Variants in ANTXR2 observed in about 807,000 individuals in gnomAD.
ANTXR2 encodes anthrax toxin receptor 2.
Under a neutral mutation model 73.7 loss-of-function variants are expected in ANTXR2, and 44 were observed. That is an observed-to-expected ratio of 0.60 (90% CI 0.47 to 0.77). The LOEUF is 0.77. Ranked by LOEUF, ANTXR2 falls within the 30% of genes least tolerant of loss-of-function variation. ANTXR2 has a pLI of 0.00. For synonymous variants in ANTXR2, 217 were observed against 205.9 expected (o/e 1.05, Z -0.46); for missense variants, 604 against 592.5 (o/e 1.02, Z -0.20).
chr4:79,963,362 T>G (rs538464457), intron 16 of ANTXR2, among the ~76,000 whole-genome samples: 20 of 152,264 alleles, frequency 1.3e-4, no homozygotes, highest in South Asian at 8.3e-4. Flanking sequence ...TTCTCTGATA[T>G]TTTTGTGGGT....
intron 10 of ANTXR2, among the ~76,000 whole-genome samples, chr4:80,025,054 C>T (rs2110075495): frequency 6.6e-6 from 1 of 152,144 alleles, no homozygotes; most frequent in Admixed American, 6.5e-5. Context: ...TATGTTTTTT[C>T]AAAGTAGAAG....
chr4:79,950,075 T>C (rs1248458108), intron 16 of ANTXR2, among the ~76,000 whole-genome samples: 1 of 152,002 alleles, frequency 6.6e-6, no homozygotes, highest in Non-Finnish European at 1.5e-5. Flanking sequence ...AATTTCTGAC[T>C]CAATATTTAT....
At chr4:79,943,644 A>G (rs1369883771) in intron 16 of ANTXR2, among the ~76,000 whole-genome samples, 120 of 127,184 alleles carry the variant, frequency 9.4e-4, no homozygotes, top group Non-Finnish European at 1.4e-3. Flanking sequence ...TAGATGACAC[A>G]TTAGTGGGTG....
chr4:80,005,187 A>G (rs1481181874), intron 12 of ANTXR2, among the ~76,000 whole-genome samples: 3 of 152,138 alleles, frequency 2.0e-5, no homozygotes, highest in African/African-American at 7.2e-5. Flanking sequence ...TGTATTGATA[A>G]GAGCTCCTGA....
intron 5 of ANTXR2, 57 bp downstream of exon 5, chr4:80,055,303 C>T (rs925316988): frequency 3.5e-4 from 553 of 1,561,514 alleles, no homozygotes; most frequent in Non-Finnish European, 3.9e-4. Context: ...CTATACATTC[C>T]GAGACACACA....
rs1179881156 is a variant in ANTXR2, at chr4:79,953,685, CTAAT to C, written c.1428+23932_1428+23935del. On this transcript the variant is annotated intron_variant, in intron 16 of 16. Transcript: ENST00000403729. Reference sequence around the variant, plus strand: ...TAACATGTTGATTTATTTTCTACCACTAATTATATTTCTTTTTTTTAAGTAAAGT... The same window carrying C: ...TAACATGTTGATTTATTTTCTACCACTATATTTCTTTTTTTTAAGTAAAGT... Among the ~76,000 whole-genome samples, 6 of 151,954 alleles carry C rather than the reference CTAAT, an allele frequency of 3.9e-5. No homozygotes were observed. In the East Asian group the frequency reaches 1.2e-3, roughly 29 times the overall value.
intron 12 of ANTXR2, among the ~76,000 whole-genome samples, chr4:80,005,112 A>G (rs1731242413): frequency 6.6e-6 from 1 of 152,132 alleles, no homozygotes; most frequent in Non-Finnish European, 1.5e-5. Context: ...ACATGAAATG[A>G]CTGAATGAAG....
Position 79,999,377 on chromosome 4 carries a change from C to T in ANTXR2, c.1041+9144G>A, listed in dbSNP as rs144008527. Among the ~76,000 whole-genome samples, 273 of 152,048 alleles carry T rather than the reference C, an allele frequency of 1.8e-3. 1 individual carries two copies. Among genetic ancestry groups the T allele is most frequent in the African/African-American group, 6.4e-3 (264 of 41,492 alleles). The stretch of plus-strand genomic sequence containing the variant: ...CTCTTTCCTTCTTCATGAAGAAGGT[C>T]TTTGCTTCCTCTTCACCTTCTGCCA... On this transcript the variant is annotated intron_variant, in intron 12 of 16. Coordinates refer to ENST00000403729, the MANE Select transcript of ANTXR2 (RefSeq NM_058172.6).
chr4:79,975,819 T>C (rs893077130), intron 16 of ANTXR2, among the ~76,000 whole-genome samples: 1 of 152,148 alleles, frequency 6.6e-6, no homozygotes, highest in East Asian at 1.9e-4. Context: ...GAGACTGCTT[T>C]ATAAACCAAC....
chr4:79,993,750 A>ACACGCGCGCG, intron 12 of ANTXR2, among the ~76,000 whole-genome samples: 1 of 78,116 alleles, frequency 1.3e-5, no homozygotes, highest in East Asian at 1.6e-3. Flanking sequence ...TACACCACAC[A>ACACGCGCGCG]CACACACACG....
intron 14 of ANTXR2, among the ~76,000 whole-genome samples, chr4:79,981,525 C>T (rs1162934664): frequency 2.6e-5 from 4 of 152,164 alleles, no homozygotes; most frequent in African/African-American, 9.6e-5. Context: ...GTGTGTCAAA[C>T]ATATTCCTCT....
chr4:79,937,565 C>T (rs1490535208), intron 16 of ANTXR2, among the ~76,000 whole-genome samples: 1 of 152,122 alleles, frequency 6.6e-6, no homozygotes, highest in Non-Finnish European at 1.5e-5. Flanking sequence ...TAGTACCATA[C>T]TCAAACAGAT....
chr4:80,068,758 A>C (rs1315882998), intron 3 of ANTXR2, among the ~76,000 whole-genome samples: 1 of 152,104 alleles, frequency 6.6e-6, no homozygotes, highest in Non-Finnish European at 1.5e-5. Context: ...GGCAACAGAG[A>C]GAGACTCTGT....
intron 16 of ANTXR2, among the ~76,000 whole-genome samples, chr4:79,928,626 A>G (rs1727925274): frequency 6.6e-6 from 1 of 152,184 alleles, no homozygotes; most frequent in South Asian, 2.1e-4. Context: ...CCAGATATAT[A>G]CAAATTTTAA....
At position 79,903,427 on chromosome 4, in the gene ANTXR2, G is replaced by A. The variant is rs1046938345; in HGVS notation, c.*4002C>T. ...AGTTATTGTAGAGCAATCTAAACAA[G>A]CATATTTTTATACAAATTTACATGT... On this transcript the variant is annotated 3_prime_UTR_variant, in exon 17 of 17. Transcript: ENST00000403729. 1 of 151,476 alleles carries A rather than the reference G, an allele frequency of 6.6e-6. No individual in the cohort carries two copies. Among genetic ancestry groups the A allele is most frequent in the African/African-American group, 2.4e-5 (1 of 41,148 alleles). 9.4% of individuals were successfully genotyped at this position (151,476 alleles called of 1,614,324 possible).
chr4:79,994,240 G>A (rs1028122380), intron 12 of ANTXR2, among the ~76,000 whole-genome samples: 1 of 152,000 alleles, frequency 6.6e-6, no homozygotes. Flanking sequence ...TATGTAGCCA[G>A]GTCAATATTC....
chr4:80,054,217 GA>G, intron 7 of ANTXR2, 54 bp downstream of exon 7: 2 of 1,373,732 alleles, frequency 1.5e-6, no homozygotes, highest in Admixed American at 2.2e-5. Flanking sequence ...ACTTCTTATA[GA>G]TTAAAAAAAT....
At position 79,905,331 on chromosome 4, in the gene ANTXR2, T is replaced by C. The variant is rs780006188; in HGVS notation, c.*2098A>G. 1 of 152,188 alleles carries C rather than the reference T, an allele frequency of 6.6e-6. No individual in the cohort carries two copies. The highest frequency in any genetic ancestry group is 1.5e-5 in the Non-Finnish European group (1 of 68,032). The allele number at this position is 152,188 out of a possible 1,614,324, so 9.4% of individuals were successfully genotyped here. A position where few individuals can be genotyped will look rare whatever the true frequency, so the allele number is the denominator to read the frequency against. On this transcript the variant is annotated 3_prime_UTR_variant, in exon 17 of 17. Coordinates refer to ENST00000403729, the MANE Select transcript of ANTXR2 (RefSeq NM_058172.6). ...TTTAAGGAAGCCACATTAGGTCTTGTTCCAGATGCAAATGCAGAACAAAGG... is the reference window on the plus strand; with the variant it reads ...TTTAAGGAAGCCACATTAGGTCTTGCTCCAGATGCAAATGCAGAACAAAGG...
chr4:79,977,982 A>G, intron 15 of ANTXR2, 25 bp downstream of exon 15: 7 of 1,553,766 alleles, frequency 4.5e-6, no homozygotes, highest in Non-Finnish European at 5.2e-6. Context: ...TTTTGAGTTA[A>G]ATTACACAAA....
Sources: allele counts gnomAD v4.1 joint callset (sites outside exome capture counted in the v4.1 genomes callset), GRCh38; gene constraint gnomAD v4.1.1; transcripts MANE v1.5; gene names NCBI Gene and HGNC (gene_info 2026-07-23, HGNC 2026-07-21).